MAP3K15: variants seen among roughly 807,000 people sequenced by gnomAD.
MAP3K15 encodes the protein mitogen-activated protein kinase kinase kinase 15.
In MAP3K15, 124 loss-of-function variants were observed where a neutral mutation model predicts 99.5. That is an observed-to-expected ratio of 1.25 (90% CI 1.08 to 1.45). MAP3K15 has a LOEUF of 1.45. Among genes scored for constraint, MAP3K15 ranks in the 40% most tolerant of loss-of-function variants. The pLI is 0.00. For synonymous variants in MAP3K15, 494 were observed against 439.6 expected, an observed-to-expected ratio of 1.12 and a Z score of -1.55; for missense variants, 1,242 against 1,079.7, an observed-to-expected ratio of 1.15 and a Z score of -2.11.
chrX:19,509,102 C>A (rs2064500037), intron 1 of MAP3K15, among the ~76,000 whole-genome samples: 1 of 109,654 alleles, frequency 9.1e-6, no homozygotes, highest in Non-Finnish European at 1.9e-5. Flanking sequence ...AAGATTTAGA[C>A]CCACACAGGA....
At chrX:19,436,568 C>G (rs755031114) in intron 6 of MAP3K15, among the ~76,000 whole-genome samples, 7 of 111,505 alleles carry the variant, frequency 6.3e-5, no homozygotes, top group Non-Finnish European at 1.1e-4. Context: ...TTCCAAATTT[C>G]TATCTCCAGC....
intron 3 of MAP3K15, chrX:19,482,376 T>A (rs1296484371): frequency 1.8e-5 from 2 of 111,343 alleles, no homozygotes; most frequent in Non-Finnish European, 3.8e-5. Context: ...ATGTGGAATA[T>A]CTATACAGTA....
At chrX:19,448,591 A>G (rs955375388) in intron 6 of MAP3K15, among the ~76,000 whole-genome samples, 6 of 109,698 alleles carry the variant, frequency 5.5e-5, no homozygotes, top group African/African-American at 2.0e-4. Context: ...TATACATGAG[A>G]AAAACATAAG....
In MAP3K15 at chrX:19,413,449, G is replaced by C; in HGVS notation, c.1606C>G (p.Pro536Ala). Residue 536 changes from proline (P) to alanine (A), a missense_variant, in exon 11 of 29, where the codon CCA becomes GCA. Transcript: ENST00000338883. ...TAAGAAGGCTGGTACACTTTGGTTG[G>C]CTCTATGACCAGAACCTGAAACAAG... ...GLRFPVLVIE[P>A]TKVYQPSYVS... 1.3e-5 allele frequency: 16 copies of C among 1,202,103 alleles called. No individual in the cohort carries two copies. Among genetic ancestry groups the C allele is most frequent in the Non-Finnish European group, 1.7e-5 (15 of 888,683 alleles).
chrX:19,442,698 T>C, intron 6 of MAP3K15, among the ~76,000 whole-genome samples: 1 of 98,415 alleles, frequency 1.0e-5, no homozygotes, highest in East Asian at 3.0e-4. Flanking sequence ...TTTTATTTTA[T>C]TATTATTATT....
rs969554734 is a variant in MAP3K15 at position 19,505,571 on chromosome X, T to C, written c.361+9330A>G. On this transcript the variant is annotated intron_variant, in intron 1 of 28. Coordinates refer to ENST00000338883, the MANE Select transcript of MAP3K15 (RefSeq NM_001001671.4). Reference sequence around the variant, plus strand: ...GACTCCAAGGTTCCCATGGGGACCATGGAAAGGGATGAGAAGGTATGGGAA... The same window carrying C: ...GACTCCAAGGTTCCCATGGGGACCACGGAAAGGGATGAGAAGGTATGGGAA... Among the ~76,000 whole-genome samples, 19 of 110,062 alleles carry C rather than the reference T, an allele frequency of 1.7e-4. No individual in the cohort carries two copies. The Admixed American group carries it at 1.8e-3, about 11-fold the overall frequency.
At chrX:19,397,765 T>C (rs2063576846) in intron 15 of MAP3K15, among the ~76,000 whole-genome samples, 1 of 111,812 alleles carries the variant, frequency 8.9e-6, no homozygotes, top group Non-Finnish European at 1.9e-5. Flanking sequence ...TTTCTCAATC[T>C]ATAATACACA....
intron 11 of MAP3K15, among the ~76,000 whole-genome samples, chrX:19,412,910 A>T (rs1211713982): frequency 5.5e-5 from 6 of 108,337 alleles, no homozygotes; most frequent in African/African-American, 2.0e-4. Context: ...AATTTTTTAA[A>T]TTTATTTTTT....
At chrX:19,443,922 A>C (rs949934517) in intron 6 of MAP3K15, among the ~76,000 whole-genome samples, 6 of 111,516 alleles carry the variant, frequency 5.4e-5, no homozygotes, top group African/African-American at 1.3e-4. Context: ...GCTCCTCCCA[A>C]GAAGCCTTCC....
chrX:19,443,072 G>T (rs1185227551), intron 6 of MAP3K15, among the ~76,000 whole-genome samples: 1 of 74,972 alleles, frequency 1.3e-5, no homozygotes, highest in Non-Finnish European at 2.3e-5. Context: ...TCGCTCTGTC[G>T]CCCAGACTGG....
chrX:19,459,718 C>T (rs755665584), intron 5 of MAP3K15, among the ~76,000 whole-genome samples: 2 of 111,890 alleles, frequency 1.8e-5, no homozygotes, highest in African/African-American at 3.2e-5. Flanking sequence ...GGCATGGTGG[C>T]GCATGCCTGT....
chrX:19,434,843 A>C (rs745966645), intron 6 of MAP3K15, among the ~76,000 whole-genome samples: 18 of 111,949 alleles, frequency 1.6e-4, no homozygotes, highest in Non-Finnish European at 2.3e-4. Context: ...GAAAGGGCTA[A>C]TCTAGACACT....
Position 19,371,344 on chromosome X carries a change from C to T in MAP3K15, c.3294+1G>A, listed in dbSNP as rs147323806. The T allele has an allele frequency of 1.7e-5, 21 of 1,200,659 alleles. No individual in the cohort carries two copies. Among genetic ancestry groups the T allele is most frequent in the Middle Eastern group, 2.6e-4 (1 of 3,793 alleles). On this transcript the variant is annotated splice_donor_variant, in intron 23 of 28. Coordinates refer to ENST00000338883, the MANE Select transcript of MAP3K15 (RefSeq NM_001001671.4). LOFTEE classifies it high-confidence loss of function. ...TCCCTAGGGCCAGATGGAGCACTTA[C>T]GGCATCCTGAAATCCGAACAGCACC... is the stretch of plus-strand genomic sequence containing the variant.
chrX:19,460,210 C>T, intron 4 of MAP3K15, 57 bp from the exon 5 acceptor site: 1 of 883,306 alleles, frequency 1.1e-6, no homozygotes, highest in Non-Finnish European at 1.5e-6. Context: ...CCAGGACTGT[C>T]TTGCGCCCAA....
chrX:19,413,837 G>A (rs1373763792), intron 10 of MAP3K15, among the ~76,000 whole-genome samples: 1 of 107,340 alleles, frequency 9.3e-6, no homozygotes, highest in African/African-American at 3.4e-5. Flanking sequence ...AGAACAGAAG[G>A]GGACGAAAAA....
intron 16 of MAP3K15, among the ~76,000 whole-genome samples, chrX:19,393,796 G>A (rs192498122): frequency 0.045 from 3,027 of 66,554 alleles, 200 homozygotes; most frequent in African/African-American, 0.19. Context: ...TTTTGAAGAC[G>A]GAGTCTCACT....
At chrX:19,409,807 G>T in intron 12 of MAP3K15, 117 bp downstream of exon 12, 1 of 575,539 alleles carries the variant, frequency 1.7e-6, no homozygotes, top group Non-Finnish European at 2.8e-6. Flanking sequence ...AGTCCACTTT[G>T]GATTCCATTA....
chrX:19,432,721 CTT>C (rs756639640), intron 6 of MAP3K15, among the ~76,000 whole-genome samples: 6 of 99,577 alleles, frequency 6.0e-5, no homozygotes, highest in Non-Finnish European at 6.1e-5. Context: ...TGCCCTTAAC[CTT>C]TTTTTTTTTT....
chrX:19,408,121 A>ATTACTGT (rs2063660541), intron 12 of MAP3K15, among the ~76,000 whole-genome samples: 1 of 111,869 alleles, frequency 8.9e-6, no homozygotes, highest in Admixed American at 9.5e-5. Flanking sequence ...CAGGTTTTGA[A>ATTACTGT]AATCAATCTG....
Sources: allele counts gnomAD v4.1 joint callset (sites outside exome capture counted in the v4.1 genomes callset), GRCh38; gene constraint gnomAD v4.1.1; transcripts MANE v1.5; gene names NCBI Gene and HGNC (gene_info 2026-07-23, HGNC 2026-07-21).